Variants in BTRC observed in about 807,000 individuals in gnomAD.
BTRC encodes the protein beta-transducin repeat containing E3 ubiquitin protein ligase.
BTRC carries 42 observed loss-of-function variants against 85.5 expected under a neutral mutation model. The observed-to-expected ratio is 0.49, with a 90% CI of 0.38 to 0.64. The LOEUF (loss-of-function observed/expected upper bound fraction) is 0.64, where lower values mean the gene tolerates loss of function less well. Ranked by LOEUF, BTRC falls within the 30% of genes least tolerant of loss-of-function variation. The pLI is 0.00. For missense variants in BTRC, 594 were observed against 743.5 expected (o/e 0.80, Z 2.34); for synonymous variants, 255 against 263.3 (o/e 0.97, Z 0.30).
intron 2 of BTRC, among the ~76,000 whole-genome samples, chr10:101,452,295 A>G (rs1379164957): frequency 6.6e-6 from 1 of 152,222 alleles, no homozygotes; most frequent in Non-Finnish European, 1.5e-5. Context: ...CTACTGATCC[A>G]AATGGTTCAG....
intron 4 of BTRC, among the ~76,000 whole-genome samples, chr10:101,501,540 T>C (rs1207196880): frequency 6.6e-6 from 1 of 152,224 alleles, no homozygotes; most frequent in East Asian, 1.9e-4. Context: ...GATGAATGGT[T>C]TGTTTCCAGA....
At chr10:101,432,516 T>A (rs1396477938) in intron 2 of BTRC, among the ~76,000 whole-genome samples, 1 of 152,144 alleles carries the variant, frequency 6.6e-6, no homozygotes, top group Non-Finnish European at 1.5e-5. Flanking sequence ...TTTGTTTTGT[T>A]TTGTTTTTTA....
At chr10:101,505,917 A>ATT (rs71472577) in intron 4 of BTRC, among the ~76,000 whole-genome samples, 38 of 142,616 alleles carry the variant, frequency 2.7e-4, no homozygotes, top group South Asian at 4.5e-4. Flanking sequence ...CAGTTTTCCA[A>ATT]TTTTTTTTTT....
chr10:101,387,106 C>G (rs1297354884), intron 1 of BTRC, among the ~76,000 whole-genome samples: 1 of 152,084 alleles, frequency 6.6e-6, no homozygotes, highest in African/African-American at 2.4e-5. Flanking sequence ...AGTTTTTGGA[C>G]TCATTCTGTT....
At chr10:101,402,783 T>C (rs1239385543) in intron 1 of BTRC, among the ~76,000 whole-genome samples, 5 of 152,222 alleles carry the variant, frequency 3.3e-5, no homozygotes, top group African/African-American at 1.2e-4. Context: ...GCCTTCTCAG[T>C]TGTCATGATA....
Position 101,376,608 on chromosome 10 carries a change from A to G in BTRC, c.48+22380A>G, listed in dbSNP as rs375616462. ...CACAATAAAACTGGTAGTTTTTCCT[A>G]GTACTATGAACAGATTGTGTATCAT... is the stretch of plus-strand genomic sequence containing the variant. On this transcript the variant is annotated intron_variant, in intron 1 of 14. Transcript: ENST00000370187. Among the ~76,000 whole-genome samples, 127 of 152,286 alleles carry G rather than the reference A, an allele frequency of 8.3e-4. 2 individuals carry two copies. Among genetic ancestry groups the G allele is most frequent in the African/African-American group, 3.0e-3 (125 of 41,562 alleles).
At chr10:101,429,690 A>T (rs1589455955) in intron 1 of BTRC, among the ~76,000 whole-genome samples, 1 of 125,852 alleles carries the variant, frequency 7.9e-6, no homozygotes, top group African/African-American at 3.1e-5. Context: ...CTCGCCTTAT[A>T]CCCCCCACCC....
chr10:101,468,055 A>G (rs1213900984), intron 3 of BTRC, among the ~76,000 whole-genome samples: 1 of 152,180 alleles, frequency 6.6e-6, no homozygotes, highest in Non-Finnish European at 1.5e-5. Flanking sequence ...CGGTTTGGCA[A>G]TTTGTGCCTA....
chr10:101,390,665 T>C (rs888607696), intron 1 of BTRC, among the ~76,000 whole-genome samples: 5 of 152,006 alleles, frequency 3.3e-5, no homozygotes, highest in Non-Finnish European at 7.4e-5. Context: ...GAGCTTTAGT[T>C]TTTTAAAAGA....
In BTRC at chr10:101,389,117, GTGT is replaced by G. The variant is rs1419856708; in HGVS notation, c.48+34891_48+34893del. On this transcript the variant is annotated intron_variant, in intron 1 of 14. Coordinates refer to ENST00000370187, the MANE Select transcript of BTRC (RefSeq NM_033637.4). ...GTTGCATAATTGTGATTTTTTGTGTGTGTTTTTTTTTTTTTTTTTTTTTTTTTT... is the reference window on the plus strand; with the variant it reads ...GTTGCATAATTGTGATTTTTTGTGTGTTTTTTTTTTTTTTTTTTTTTTTTT... 6.0e-4 allele frequency among the ~76,000 whole-genome samples: 32 copies of G among 53,048 alleles called. 2 individuals carry two copies. The highest frequency in any genetic ancestry group is 9.3e-4 in the African/African-American group (12 of 12,872). The allele number at this position is 53,048 out of a possible 152,430, so 34.8% of individuals were successfully genotyped here.
At chr10:101,532,771 T>C (rs1401629222) in intron 8 of BTRC, among the ~76,000 whole-genome samples, 181 bp from the exon 9 acceptor site, 2 of 72,088 alleles carry the variant, frequency 2.8e-5, no homozygotes, top group Non-Finnish European at 4.8e-5. Flanking sequence ...TGTGTGTGTG[T>C]GTGTGTGTGT....
intron 3 of BTRC, among the ~76,000 whole-genome samples, chr10:101,465,170 A>C (rs531877669): frequency 1.2e-4 from 19 of 152,284 alleles, no homozygotes; most frequent in Admixed American, 7.2e-4. Flanking sequence ...AGGCCGCCTT[A>C]TACCTAGTAT....
chr10:101,427,546 T>G (rs1944292452), intron 1 of BTRC, among the ~76,000 whole-genome samples: 1 of 151,370 alleles, frequency 6.6e-6, no homozygotes, highest in Non-Finnish European at 1.5e-5. Flanking sequence ...CTTCTTTCTT[T>G]CCACAGGGTC....
intron 1 of BTRC, among the ~76,000 whole-genome samples, chr10:101,357,786 T>C (rs796205653): frequency 3.4e-4 from 52 of 152,342 alleles, no homozygotes; most frequent in African/African-American, 1.2e-3. Context: ...AATTCACACG[T>C]GATCGAGACT....
chr10:101,424,948 C>G (rs1944209927), intron 1 of BTRC, among the ~76,000 whole-genome samples: 1 of 152,038 alleles, frequency 6.6e-6, no homozygotes, highest in South Asian at 2.1e-4. Context: ...CAAGCTTTAC[C>G]CCCTTTGTCC....
intron 2 of BTRC, among the ~76,000 whole-genome samples, chr10:101,451,750 G>A (rs1015272866): frequency 1.3e-5 from 2 of 152,070 alleles, no homozygotes; most frequent in Admixed American, 6.6e-5. Context: ...CAGTGTCATC[G>A]TGCCTTTAAA....
At chr10:101,381,525 T>C (rs1352822937) in intron 1 of BTRC, among the ~76,000 whole-genome samples, 2 of 152,230 alleles carry the variant, frequency 1.3e-5, no homozygotes, top group Admixed American at 6.5e-5. Context: ...ATAGAAGTTA[T>C]ATGTGAACTG....
At chr10:101,398,966 C>G (rs1354230916) in intron 1 of BTRC, among the ~76,000 whole-genome samples, 2 of 151,314 alleles carry the variant, frequency 1.3e-5, no homozygotes, top group Non-Finnish European at 3.0e-5. Flanking sequence ...TGTTTTTTTT[C>G]TTTTGAGATA....
chr10:101,489,884 C>G (rs1946084581), intron 4 of BTRC, among the ~76,000 whole-genome samples: 1 of 152,090 alleles, frequency 6.6e-6, no homozygotes, highest in Non-Finnish European at 1.5e-5. Context: ...GTCCAACTGG[C>G]TGAATGGCCA....
Sources: gnomAD v4.1 joint callset for allele counts (sites outside exome capture counted in the v4.1 genomes callset) on GRCh38, gnomAD v4.1.1 for gene constraint, MANE v1.5 for transcripts, NCBI Gene and HGNC (gene_info 2026-07-23, HGNC 2026-07-21) for gene names.